TMEM117: variants seen among roughly 807,000 people sequenced by gnomAD.
TMEM117 encodes transmembrane protein 117.
Under a neutral mutation model 52.4 loss-of-function variants are expected in TMEM117, and 27 were observed. The ratio of observed to expected loss-of-function variants is 0.51; its 90% CI spans 0.38 to 0.71. The LOEUF (loss-of-function observed/expected upper bound fraction) is 0.71, where lower values mean the gene tolerates loss of function less well. Ranked by LOEUF, TMEM117 falls within the 30% of genes least tolerant of loss-of-function variation. TMEM117 has a pLI of 0.00. For missense variants in TMEM117, 556 were observed against 630.5 expected, an observed-to-expected ratio of 0.88 and a Z score of 1.26; for synonymous variants, 215 against 206.3, an observed-to-expected ratio of 1.04 and a Z score of -0.36.
intron 6 of TMEM117, among the ~76,000 whole-genome samples, chr12:44,339,204 C>A (rs1290633514): frequency 6.6e-6 from 1 of 152,086 alleles, no homozygotes. Flanking sequence ...ACAGCCCAAT[C>A]TGCTTCATTT....
intron 6 of TMEM117, among the ~76,000 whole-genome samples, chr12:44,316,222 T>C (rs1951052455): frequency 6.6e-6 from 1 of 152,196 alleles, no homozygotes; most frequent in Non-Finnish European, 1.5e-5. Flanking sequence ...TTTGTTTCCA[T>C]TTTTAAAATT....
At chr12:44,174,060 C>G (rs889605839) in intron 4 of TMEM117, among the ~76,000 whole-genome samples, 3 of 152,076 alleles carry the variant, frequency 2.0e-5, no homozygotes, top group African/African-American at 7.2e-5. Context: ...TTTTTCCATG[C>G]AAATATTTTA....
chr12:44,398,389 C>T, the TMEM117 span, among the ~76,000 whole-genome samples: 9 of 152,092 alleles, frequency 5.9e-5, no homozygotes, highest in Admixed American at 5.9e-4. Flanking sequence ...AGGAAGCATT[C>T]CTGGGAGAAG....
intron 3 of TMEM117, among the ~76,000 whole-genome samples, chr12:44,116,337 G>A (rs567202593): frequency 3.7e-4 from 57 of 152,052 alleles, no homozygotes; most frequent in African/African-American, 1.3e-3. Flanking sequence ...GTTTCCCTGG[G>A]ATTATGACCT....
intron 3 of TMEM117, among the ~76,000 whole-genome samples, chr12:44,136,879 T>G (rs372514669): frequency 1.3e-5 from 2 of 152,124 alleles, no homozygotes; most frequent in Admixed American, 6.6e-5. Flanking sequence ...ATTCTAACTT[T>G]GTTAGAGCAT....
At chr12:43,872,715 T>G (rs1943727139) in intron 2 of TMEM117, among the ~76,000 whole-genome samples, 2 of 152,328 alleles carry the variant, frequency 1.3e-5, no homozygotes, top group South Asian at 4.1e-4. Flanking sequence ...AAGATAATAG[T>G]GTGCTTTCCC....
chr12:44,149,516 T>A (rs956841444), intron 4 of TMEM117, among the ~76,000 whole-genome samples: 6 of 152,188 alleles, frequency 3.9e-5, no homozygotes, highest in African/African-American at 1.4e-4. Context: ...ACCTAAAATG[T>A]GGTGATGTTT....
At chr12:44,302,630 C>T (rs1950855430) in intron 6 of TMEM117, among the ~76,000 whole-genome samples, 1 of 152,194 alleles carries the variant, frequency 6.6e-6, no homozygotes, top group Non-Finnish European at 1.5e-5. Flanking sequence ...AAGCAAAGTG[C>T]CTTACATGGC....
upstream of TMEM117, among the ~76,000 whole-genome samples, chr12:43,835,783 C>G (rs1207885849): frequency 6.6e-6 from 1 of 151,954 alleles, no homozygotes; most frequent in Non-Finnish European, 1.5e-5. Flanking sequence ...CGGGCCGGCC[C>G]GGGCAGGCTC....
At chr12:43,843,040 T>C (rs558750311) in intron 1 of TMEM117, among the ~76,000 whole-genome samples, 1 of 152,172 alleles carries the variant, frequency 6.6e-6, no homozygotes, top group African/African-American at 2.4e-5. Context: ...CCCTGTAAAA[T>C]GAAGTGACAG....
chr12:43,976,306 CA>C (rs1346606631), intron 3 of TMEM117, among the ~76,000 whole-genome samples: 6 of 152,058 alleles, frequency 3.9e-5, no homozygotes, highest in African/African-American at 1.2e-4. Context: ...CAGACTGTGG[CA>C]GAGCAACAGA....
intron 3 of TMEM117, among the ~76,000 whole-genome samples, chr12:43,998,488 G>T (rs1946067332): frequency 6.6e-6 from 1 of 152,130 alleles, no homozygotes; most frequent in African/African-American, 2.4e-5. Context: ...AGTGACTACT[G>T]TTATAGTTAG....
At chr12:44,226,447 T>C (rs1316927445) in intron 5 of TMEM117, among the ~76,000 whole-genome samples, 1 of 152,112 alleles carries the variant, frequency 6.6e-6, no homozygotes, top group African/African-American at 2.4e-5. Context: ...TATCCTGAAG[T>C]AGGGAGAGTT....
Position 43,894,244 on chromosome 12 carries a change from A to G in TMEM117, c.277+49316A>G, listed in dbSNP as rs1241298446. Among the ~76,000 whole-genome samples, 5 of 152,124 alleles carry G rather than the reference A, an allele frequency of 3.3e-5. No individual in the cohort carries two copies. The South Asian group carries it at 1.0e-3, about 32-fold the overall frequency. On this transcript the variant is annotated intron_variant, in intron 2 of 7. Coordinates refer to ENST00000266534, the MANE Select transcript of TMEM117 (RefSeq NM_032256.3). ...AGCATACTCCCTTACTCACATTTCC[A>G]TTTTCAAGGTGTTGGTTGGTATTAA... is the stretch of plus-strand genomic sequence containing the variant.
intron 3 of TMEM117, among the ~76,000 whole-genome samples, chr12:44,141,800 C>T (rs532737610): frequency 1.1e-3 from 163 of 152,194 alleles, no homozygotes; most frequent in Middle Eastern, 3.4e-3. Flanking sequence ...TTCAAGTGGA[C>T]GCCACTTTGA....
At chr12:44,017,326 CTTTTTTT>C (rs79007657) in intron 3 of TMEM117, among the ~76,000 whole-genome samples, 4 of 97,128 alleles carry the variant, frequency 4.1e-5, no homozygotes, top group East Asian at 2.8e-4. Flanking sequence ...TCTTTCTTTC[CTTTTTTT>C]TTTTTTTTTT....
chr12:43,940,262 TCTC>T (rs1159628057), intron 2 of TMEM117, among the ~76,000 whole-genome samples: 1 of 152,072 alleles, frequency 6.6e-6, no homozygotes, highest in Non-Finnish European at 1.5e-5. Context: ...GCTCCCCACA[TCTC>T]CTACCTAGAA....
chr12:44,199,946 CATCTCT>C (rs1273617764), intron 4 of TMEM117, among the ~76,000 whole-genome samples: 6 of 152,002 alleles, frequency 3.9e-5, no homozygotes. Context: ...GGTGAAATCC[CATCTCT>C]ACTAAAAATA....
chr12:43,858,341 C>G (rs542805524), intron 2 of TMEM117, among the ~76,000 whole-genome samples: 3 of 152,144 alleles, frequency 2.0e-5, no homozygotes, highest in Non-Finnish European at 4.4e-5. Context: ...GCCTTAGGAC[C>G]GGATTGTGCT....
Sources: gnomAD v4.1 joint callset for allele counts (sites outside exome capture counted in the v4.1 genomes callset) on GRCh38, gnomAD v4.1.1 for gene constraint, MANE v1.5 for transcripts, NCBI Gene and HGNC (gene_info 2026-07-23, HGNC 2026-07-21) for gene names.